The following NACC1 variants were observed in gnomAD, a reference collection of about 807,000 sequenced individuals.
The protein encoded by NACC1 is nucleus accumbens associated 1.
Under a neutral mutation model 41.7 loss-of-function variants are expected in NACC1, and 6 were observed. The observed-to-expected ratio is 0.14, with a 90% CI of 0.08 to 0.28. NACC1 has a LOEUF of 0.28. Ranked by LOEUF, NACC1 falls within the 10% of genes least tolerant of loss-of-function variation. The probability of loss-of-function intolerance (pLI) is 1.00; values close to 1 mark genes in which losing one functional copy is unlikely to be tolerated. For missense variants in NACC1, 434 were observed against 763.7 expected (o/e 0.57, Z 5.09); for synonymous variants, 338 against 330.6 (o/e 1.02, Z -0.24).
At chr19:13,134,378 CT>C (rs77002203) in intron 1 of NACC1, among the ~76,000 whole-genome samples, 231 of 143,832 alleles carry the variant, frequency 1.6e-3, no homozygotes, top group Non-Finnish European at 1.5e-3. Flanking sequence ...TTTCTTTTTC[CT>C]TTTTTTTTTT....
chr19:13,127,005 C>T (rs2019570775), intron 1 of NACC1, among the ~76,000 whole-genome samples: 2 of 151,936 alleles, frequency 1.3e-5, no homozygotes, highest in Admixed American at 1.3e-4. Context: ...GAGGCCAAGG[C>T]AGGAGGACCA....
intron 1 of NACC1, among the ~76,000 whole-genome samples, chr19:13,119,133 T>C (rs1480022924): frequency 6.8e-6 from 1 of 147,014 alleles, no homozygotes; most frequent in African/African-American, 2.5e-5. Context: ...TGTAGGAGTT[T>C]TGGGAGTCGA....
rs1422149626 is a variant in NACC1, at chr19:13,141,093, A to G, written c.*2687A>G. On this transcript the variant is annotated 3_prime_UTR_variant, in exon 6 of 6. Coordinates refer to ENST00000292431, the MANE Select transcript of NACC1 (RefSeq NM_052876.4). ...AGAGGAGCGGCGTTGGCAAATGTGAACCATGAGAATATCAGTGATACTGAT... is the reference window on the plus strand; with the variant it reads ...AGAGGAGCGGCGTTGGCAAATGTGAGCCATGAGAATATCAGTGATACTGAT... 1.3e-5 allele frequency: 2 copies of G among 152,698 alleles called. No homozygotes were observed. Among genetic ancestry groups the G allele is most frequent in the Non-Finnish European group, 2.9e-5 (2 of 68,024 alleles). The allele number at this position is 152,698 out of a possible 1,614,324, so 9.5% of individuals were successfully genotyped here.
chr19:13,133,672 C>T lies in NACC1; in HGVS notation c.-8-1528C>T, dbSNP rs976631618. ...ACCATGTTTAGTTGGCCCATCCATC[C>T]GCAGATGGACGTTTGGATTGTTTCC... On this transcript the variant is annotated intron_variant, in intron 1 of 5. Coordinates refer to ENST00000292431, the MANE Select transcript of NACC1 (RefSeq NM_052876.4). 4.6e-5 allele frequency among the ~76,000 whole-genome samples: 7 copies of T among 152,174 alleles called. No individual in the cohort carries two copies. In the East Asian group the frequency reaches 7.7e-4, roughly 17 times the overall value.
At chr19:13,117,251 G>A (rs1034052450), upstream of NACC1, 1 of 152,216 alleles carries the variant, frequency 6.6e-6, no homozygotes, top group African/African-American at 2.4e-5. Context: ...ACAGCGAAGT[G>A]GTCCCGGCTA....
chr19:13,128,742 T>C (rs1322001189), intron 1 of NACC1, among the ~76,000 whole-genome samples: 1 of 152,246 alleles, frequency 6.6e-6, no homozygotes, highest in African/African-American at 2.4e-5. Context: ...GAGGCAGGGC[T>C]ACTTTGTCAC....
At chr19:13,123,303 T>C (rs888985775) in intron 1 of NACC1, among the ~76,000 whole-genome samples, 2 of 152,118 alleles carry the variant, frequency 1.3e-5, no homozygotes, top group Non-Finnish European at 2.9e-5. Flanking sequence ...AAGGGTGGGC[T>C]TATGGTTGGA....
intron 1 of NACC1, among the ~76,000 whole-genome samples, chr19:13,118,903 C>G (rs1295640602): frequency 6.9e-6 from 1 of 145,084 alleles, no homozygotes; most frequent in Non-Finnish European, 1.5e-5. Context: ...CTGCAGGTAC[C>G]GCCTGGGCGC....
chr19:13,126,357 A>G (rs554364333), intron 1 of NACC1, among the ~76,000 whole-genome samples: 2 of 152,120 alleles, frequency 1.3e-5, no homozygotes, highest in East Asian at 3.9e-4. Flanking sequence ...AGCCAGCCCC[A>G]CTTCTTAATA....
At chr19:13,134,218 C>T (rs574931047) in intron 1 of NACC1, among the ~76,000 whole-genome samples, 9 of 152,076 alleles carry the variant, frequency 5.9e-5, no homozygotes, top group South Asian at 2.1e-4. Flanking sequence ...TCCACCATGC[C>T]GGGGTAATTT....
In NACC1 at chr19:13,138,336, G is replaced by A. The variant is rs1398365093; in HGVS notation, c.1514G>A (p.Gly505Asp). The change falls in exon 6 of 6, where the codon GGT becomes GAT. Residue 505 changes from glycine to aspartate, a missense_variant. This residue lies in a region of NACC1 where 63 missense variants were observed against 68.4 expected (regional missense o/e 0.92). Transcript: ENST00000292431. This position sits in a 1 kb window ranked among gnomAD's most constrained non-coding sequence, Gnocchi z 5.7. ...ETGKIEPDMM[G>D]VEHGFETASH... Reference sequence around the variant, plus strand: ...GGCAAGATCGAGCCGGACATGATGGGTGTGGAGCATGGCTTCGAGACCGCC... The same window carrying A: ...GGCAAGATCGAGCCGGACATGATGGATGTGGAGCATGGCTTCGAGACCGCC... 6.2e-7 allele frequency: 1 copy of A among 1,614,036 alleles called. No homozygotes were observed. Among genetic ancestry groups the A allele is most frequent in the Non-Finnish European group, 8.5e-7 (1 of 1,180,028 alleles).
intron 1 of NACC1, chr19:13,132,430 A>AAAT (rs1187934036): frequency 6.8e-6 from 1 of 147,234 alleles, no homozygotes; most frequent in African/African-American, 2.5e-5. Context: ...AAAAAAAAAA[A>AAAT]GTGCTGGGAT....
intron 1 of NACC1, chr19:13,131,805 T>C (rs781282267): frequency 2.6e-5 from 4 of 152,186 alleles, no homozygotes; most frequent in Non-Finnish European, 5.9e-5. Flanking sequence ...GCCTTACCAC[T>C]TTTTGCATGT....
intron 1 of NACC1, among the ~76,000 whole-genome samples, chr19:13,126,260 G>T (rs2019560410): frequency 6.6e-6 from 1 of 151,182 alleles, no homozygotes; most frequent in South Asian, 2.1e-4. Flanking sequence ...AGCCAGGATG[G>T]TCTCTATCTC....
At chr19:13,127,371 CTTTT>C (rs147514422) in intron 1 of NACC1, among the ~76,000 whole-genome samples, 73 of 28,502 alleles carry the variant, frequency 2.6e-3, no homozygotes, top group African/African-American at 8.1e-3. Context: ...TATACATATA[CTTTT>C]TTTTTTTTTT....
chr19:13,117,850 A>T (rs147320473), upstream of NACC1, among the ~76,000 whole-genome samples: 8 of 152,296 alleles, frequency 5.3e-5, no homozygotes, highest in African/African-American at 1.7e-4. Context: ...CACCGCGCCC[A>T]GCTGCCTTTA....
At chr19:13,120,426 A>G (rs1599980130) in intron 1 of NACC1, among the ~76,000 whole-genome samples, 1 of 152,162 alleles carries the variant, frequency 6.6e-6, no homozygotes, top group Non-Finnish European at 1.5e-5. Flanking sequence ...GATCTTCAGC[A>G]CCTGAGGCAG....
At position 13,139,488 on chromosome 19, in the gene NACC1, C is replaced by CTGAA. The variant is rs1446682399; in HGVS notation, c.*1085_*1088dup. The CTGAA allele has an allele frequency of 6.6e-6, 1 of 152,504 alleles. No individual in the cohort carries two copies. Among genetic ancestry groups the CTGAA allele is most frequent in the Non-Finnish European group, 1.5e-5 (1 of 68,466 alleles). The allele number at this position is 152,504 out of a possible 1,614,324, so 9.4% of individuals were successfully genotyped here. A position where few individuals can be genotyped will look rare whatever the true frequency, so the allele number is the denominator to read the frequency against. On this transcript the variant is annotated 3_prime_UTR_variant, in exon 6 of 6. Transcript: ENST00000292431. ...CGGTGTTGGGGGGCTGGGGGGCAGG[C>CTGAA]TGAATGTGTGTGTGTGGGTGTGTAT...
chr19:13,137,716 G>C lies in NACC1; in HGVS notation c.1324+141G>C. 2 of 725,908 alleles carry C rather than the reference G, an allele frequency of 2.8e-6. No homozygotes were observed. Among genetic ancestry groups the C allele is most frequent in the Non-Finnish European group, 4.4e-6 (2 of 450,054 alleles). The allele number at this position is 725,908 out of a possible 1,614,324, so 45.0% of individuals were successfully genotyped here. A position where few individuals can be genotyped will look rare whatever the true frequency, so the allele number is the denominator to read the frequency against. On this transcript the variant is annotated intron_variant, in intron 5 of 5. Transcript: ENST00000292431. This position sits in a 1 kb window ranked among gnomAD's most constrained non-coding sequence, Gnocchi z 6.1. ...TCATTCTAGCCTTGCTGGGAAACCGGCTGTGATTGCTTAGAGATTTCTTCG... is the reference window on the plus strand; with the variant it reads ...TCATTCTAGCCTTGCTGGGAAACCGCCTGTGATTGCTTAGAGATTTCTTCG...
Sources: allele counts gnomAD v4.1 joint callset (sites outside exome capture counted in the v4.1 genomes callset), GRCh38; gene constraint gnomAD v4.1.1; regional missense constraint gnomAD v4.1.1; non-coding constraint Gnocchi (gnomAD v3.1); transcripts MANE v1.5; gene names NCBI Gene and HGNC (gene_info 2026-07-23, HGNC 2026-07-21).